The following EXOC6B variants were observed in gnomAD, a reference collection of about 807,000 sequenced individuals.
EXOC6B encodes the protein SEC15 homolog B.
A neutral mutation model predicts 113.5 loss-of-function variants in EXOC6B; 54 were observed. The observed-to-expected ratio is 0.48, with a 90% CI of 0.38 to 0.60. EXOC6B has a LOEUF of 0.60. Ranked by LOEUF, EXOC6B falls within the 20% of genes least tolerant of loss-of-function variation. EXOC6B has a pLI of 0.00. For missense variants in EXOC6B, 797 were observed against 977.5 expected (o/e 0.82, Z 2.46); for synonymous variants, 357 against 339.0 (o/e 1.05, Z -0.58).
At chr2:72,338,453 G>C (rs995895877) in intron 19 of EXOC6B, among the ~76,000 whole-genome samples, 2 of 152,198 alleles carry the variant, frequency 1.3e-5, no homozygotes, top group African/African-American at 4.8e-5. Context: ...ATGAGTTAGT[G>C]AGTTGGCATT....
chr2:72,398,208 T>C (rs1692878042), intron 18 of EXOC6B, among the ~76,000 whole-genome samples: 1 of 152,210 alleles, frequency 6.6e-6, no homozygotes, highest in South Asian at 2.1e-4. Flanking sequence ...TCAGAACTTT[T>C]CCTAACAGCC....
At chr2:72,740,253 T>A (rs1161112855) in intron 2 of EXOC6B, among the ~76,000 whole-genome samples, 1 of 152,168 alleles carries the variant, frequency 6.6e-6, no homozygotes, top group East Asian at 1.9e-4. Context: ...CACTGTCAAG[T>A]TAACCCCATG....
intron 20 of EXOC6B, among the ~76,000 whole-genome samples, chr2:72,327,612 A>G (rs1377827379): frequency 6.6e-6 from 1 of 152,098 alleles, no homozygotes; most frequent in Non-Finnish European, 1.5e-5. Context: ...TTCTATACCA[A>G]AGATTTCTGC....
intron 5 of EXOC6B, among the ~76,000 whole-genome samples, chr2:72,721,458 GAT>G: frequency 1.7e-5 from 2 of 119,342 alleles, no homozygotes; most frequent in African/African-American, 6.3e-5. Context: ...ATGTTTAACT[GAT>G]ATGTGAAAAA....
Position 72,632,195 on chromosome 2 carries a change from T to C in EXOC6B, c.670-56527A>G, listed in dbSNP as rs913660950. 1.1e-4 allele frequency among the ~76,000 whole-genome samples: 17 copies of C among 152,214 alleles called. No homozygotes were observed. The East Asian group carries it at 3.3e-3, about 29-fold the overall frequency. On this transcript the variant is annotated intron_variant, in intron 6 of 21. Transcript: ENST00000272427. ...ACAATTCACAAAGGAGGAATAGACC[T>C]AGTGGATAAACATGTGTTAAAACAT...
chr2:72,414,327 C>G (rs1694382218), intron 18 of EXOC6B, among the ~76,000 whole-genome samples: 1 of 152,140 alleles, frequency 6.6e-6, no homozygotes, highest in Non-Finnish European at 1.5e-5. Context: ...ATCAACTACA[C>G]AATGCTTTCC....
chr2:72,687,494 C>G (rs1448806959), intron 6 of EXOC6B, among the ~76,000 whole-genome samples: 1 of 151,928 alleles, frequency 6.6e-6, no homozygotes, highest in Non-Finnish European at 1.5e-5. Flanking sequence ...AGGCAAAACC[C>G]CACAAAATCA....
chr2:72,823,669 C>T (rs570149802), intron 1 of EXOC6B, among the ~76,000 whole-genome samples: 1 of 151,520 alleles, frequency 6.6e-6, no homozygotes, highest in Admixed American at 6.6e-5. Flanking sequence ...CCTGTAGTCC[C>T]AACTACTCAG....
chr2:72,420,630 C>T (rs916363244), intron 18 of EXOC6B, among the ~76,000 whole-genome samples: 9 of 152,158 alleles, frequency 5.9e-5, no homozygotes, highest in African/African-American at 2.2e-4. Context: ...CTTAATCAAT[C>T]TATCATTGAT....
At chr2:72,475,640 A>G (rs1698693939) in intron 17 of EXOC6B, among the ~76,000 whole-genome samples, 1 of 152,098 alleles carries the variant, frequency 6.6e-6, no homozygotes, top group African/African-American at 2.4e-5. Flanking sequence ...CACCAGATGC[A>G]GTAGTTAGGG....
rs375574549 is a variant in EXOC6B at position 72,393,627 on chromosome 2, T to C, written c.1981-13757A>G. Among the ~76,000 whole-genome samples the C allele has an allele frequency of 8.5e-5, 13 of 152,338 alleles. No homozygotes were observed. The South Asian group carries it at 2.7e-3, about 32-fold the overall frequency. ...GAATCTTTTTAATTTACTAAATTTA[T>C]ATGAAACCAGAAGAAAACTATAATA... On this transcript the variant is annotated intron_variant, in intron 18 of 21. Coordinates refer to ENST00000272427, the MANE Select transcript of EXOC6B (RefSeq NM_015189.3).
At chr2:72,357,187 G>A (rs1012440214) in intron 19 of EXOC6B, among the ~76,000 whole-genome samples, 1 of 152,094 alleles carries the variant, frequency 6.6e-6, no homozygotes. Flanking sequence ...TTGAGAGACA[G>A]ACACCATATT....
intron 19 of EXOC6B, among the ~76,000 whole-genome samples, chr2:72,362,693 T>G (rs1690393014): frequency 6.6e-6 from 1 of 152,144 alleles, no homozygotes; most frequent in Non-Finnish European, 1.5e-5. Context: ...CATAGATTAC[T>G]GCAATAGCCT....
intron 7 of EXOC6B, among the ~76,000 whole-genome samples, chr2:72,571,794 A>G (rs888620492): frequency 2.0e-5 from 3 of 152,194 alleles, no homozygotes; most frequent in Admixed American, 2.0e-4. Context: ...TCAGGTTAAC[A>G]ATGTATTAAC....
At chr2:72,297,129 A>C (rs1205829602) in intron 20 of EXOC6B, among the ~76,000 whole-genome samples, 1 of 152,216 alleles carries the variant, frequency 6.6e-6, no homozygotes, top group Non-Finnish European at 1.5e-5. Flanking sequence ...TATAGATTAT[A>C]ATATAGGTAA....
At chr2:72,705,153 G>C (rs971434471) in intron 6 of EXOC6B, among the ~76,000 whole-genome samples, 20 of 151,694 alleles carry the variant, frequency 1.3e-4, no homozygotes, top group Non-Finnish European at 2.4e-4. Flanking sequence ...CTTCATCCCT[G>C]GGATGCAAGG....
chr2:72,443,299 G>A (rs1436714565), intron 18 of EXOC6B, among the ~76,000 whole-genome samples: 1 of 149,822 alleles, frequency 6.7e-6, no homozygotes, highest in African/African-American at 2.5e-5. Context: ...CTCCAGCCTG[G>A]GTGACAGAGC....
At chr2:72,693,376 T>C (rs1366670903) in intron 6 of EXOC6B, among the ~76,000 whole-genome samples, 2 of 152,036 alleles carry the variant, frequency 1.3e-5, no homozygotes, top group Non-Finnish European at 2.9e-5. Context: ...AGGCTTGCAA[T>C]TTTTTAAAAG....
chr2:72,406,061 T>C (rs2105195368), intron 18 of EXOC6B, among the ~76,000 whole-genome samples: 1 of 152,200 alleles, frequency 6.6e-6, no homozygotes, highest in South Asian at 2.1e-4. Context: ...TCCTAGTCTC[T>C]GATAAAACAG....
Sources: allele counts gnomAD v4.1 joint callset (sites outside exome capture counted in the v4.1 genomes callset), GRCh38; gene constraint gnomAD v4.1.1; transcripts MANE v1.5; gene names NCBI Gene and HGNC (gene_info 2026-07-23, HGNC 2026-07-21).